The following CEP78 variants were observed in gnomAD, a reference collection of about 807,000 sequenced individuals.
CEP78 encodes the protein centrosomal protein 78.
CEP78 carries 76 observed loss-of-function variants against 81.2 expected under a neutral mutation model. That is an observed-to-expected ratio of 0.94 (90% CI 0.78 to 1.13). The LOEUF (loss-of-function observed/expected upper bound fraction) is 1.13. CEP78 is among the 50% of genes most tolerant of loss of function. The pLI is 0.00. For synonymous variants in CEP78, 293 were observed against 301.4 expected, an observed-to-expected ratio of 0.97 and a Z score of 0.29; for missense variants, 918 against 846.8, an observed-to-expected ratio of 1.08 and a Z score of -1.04.
chr9:78,265,807 G>T, intron 14 of CEP78, 52 bp from the exon 15 acceptor site: 1 of 934,858 alleles, frequency 1.1e-6, no homozygotes, highest in Non-Finnish European at 1.7e-6. Flanking sequence ...TTAGAGAAAT[G>T]ATTTTCAATT....
intron 16 of CEP78, among the ~76,000 whole-genome samples, chr9:78,269,744 G>A (rs568165392): frequency 6.6e-6 from 1 of 152,200 alleles, no homozygotes; most frequent in South Asian, 2.1e-4. Context: ...TGAAAACTAG[G>A]TATAGGACTA....
At chr9:78,248,983 G>A in intron 8 of CEP78, 110 bp downstream of exon 8, 1 of 495,370 alleles carries the variant, frequency 2.0e-6, no homozygotes, top group Non-Finnish European at 3.6e-6. Context: ...TTGACTCCGT[G>A]CATATTATGA....
At chr9:78,246,861 A>C in intron 6 of CEP78, 79 bp downstream of exon 6, 1 of 756,910 alleles carries the variant, frequency 1.3e-6, no homozygotes, top group Non-Finnish European at 2.1e-6. Flanking sequence ...AGTTTTGAAA[A>C]CTTAATGTGT....
intron 13 of CEP78, among the ~76,000 whole-genome samples, 184 bp downstream of exon 13, chr9:78,264,500 T>C (rs1827424185): frequency 6.6e-6 from 1 of 152,020 alleles, no homozygotes. Context: ...CCTGCCTTGG[T>C]TGAGGGCCCA....
intron 9 of CEP78, among the ~76,000 whole-genome samples, chr9:78,252,296 C>G (rs548138348): frequency 2.0e-4 from 30 of 152,248 alleles, no homozygotes; most frequent in Admixed American, 1.2e-3. Flanking sequence ...TCCAATTGTG[C>G]AGGTGAGAAA....
At position 78,262,782 on chromosome 9, in the gene CEP78, T is replaced by C; in HGVS notation, c.1381-125T>C. 3 of 531,566 alleles carry C rather than the reference T, an allele frequency of 5.6e-6. No homozygotes were observed. In the South Asian group the frequency reaches 8.5e-5, roughly 15 times the overall value. 32.9% of individuals were successfully genotyped at this position (531,566 alleles called of 1,614,324 possible). On this transcript the variant is annotated intron_variant, in intron 11 of 16. Coordinates refer to ENST00000643273, the MANE Select transcript of CEP78 (RefSeq NM_001330691.3). Reference sequence around the variant, plus strand: ...ATGATATTATACAAGCAGTAGGCTATAATCCTGATATCTGAGTTCACTTCT... The same window carrying C: ...ATGATATTATACAAGCAGTAGGCTACAATCCTGATATCTGAGTTCACTTCT...
intron 11 of CEP78, among the ~76,000 whole-genome samples, chr9:78,262,257 C>T (rs1827310726): frequency 6.6e-6 from 1 of 150,470 alleles, no homozygotes; most frequent in Admixed American, 6.6e-5. Flanking sequence ...TGTAAACAGT[C>T]CTGTGACATT....
In CEP78 at chr9:78,239,363, C is replaced by T. The variant is rs928390; in HGVS notation, c.254-660C>T. On this transcript the variant is annotated intron_variant, in intron 1 of 16. Coordinates refer to ENST00000643273, the MANE Select transcript of CEP78 (RefSeq NM_001330691.3). ...AAAGACATGCTTAAAGTGGCATGCC[C>T]ACGCAGGACCAGTGTGTATTGGTTG... Among the ~76,000 whole-genome samples the T allele has an allele frequency of 9.7e-3, 1,481 of 152,306 alleles. 20 individuals are homozygous for T. The highest frequency in any genetic ancestry group is 0.034 in the African/African-American group (1,414 of 41,556).
At chr9:78,254,732 A>C (rs1391715186) in intron 10 of CEP78, 104 bp from the exon 11 acceptor site, 1 of 841,160 alleles carries the variant, frequency 1.2e-6, no homozygotes, top group Non-Finnish European at 1.8e-6. Flanking sequence ...ATAGACATTT[A>C]TAGAGAATGA....
chr9:78,253,751 T>G (rs1826877097), intron 10 of CEP78: 1 of 153,588 alleles, frequency 6.5e-6, no homozygotes, highest in African/African-American at 2.4e-5. Context: ...TCCCTGTCAT[T>G]CTGCATCATG....
intron 16 of CEP78, among the ~76,000 whole-genome samples, chr9:78,267,962 A>G (rs1017586199): frequency 6.6e-6 from 1 of 152,160 alleles, no homozygotes; most frequent in Non-Finnish European, 1.5e-5. Context: ...TACTGAGTTC[A>G]TTAATCATGG....
chr9:78,253,597 A>G, intron 10 of CEP78: 1 of 238,688 alleles, frequency 4.2e-6, no homozygotes, highest in East Asian at 8.3e-5. Context: ...GAATGTCCTT[A>G]AGTTTAAAAG....
At chr9:78,245,290 G>C (rs1033945414) in intron 5 of CEP78, among the ~76,000 whole-genome samples, 1 of 152,090 alleles carries the variant, frequency 6.6e-6, no homozygotes, top group African/African-American at 2.4e-5. Flanking sequence ...TCTGGAGTCC[G>C]AGAAGCCCAA....
rs532956395 is a variant in CEP78 at position 78,263,281 on chromosome 9, C to T, written c.1458+297C>T. On this transcript the variant is annotated intron_variant, in intron 12 of 16. Transcript: ENST00000643273. Reference sequence around the variant, plus strand: ...TCAATTCAAGAATGCATTTATTAGGCTTATACTGTATATACAATTGCGTAA... The same window carrying T: ...TCAATTCAAGAATGCATTTATTAGGTTTATACTGTATATACAATTGCGTAA... 2.0e-5 allele frequency among the ~76,000 whole-genome samples: 3 copies of T among 152,056 alleles called. No individual in the cohort carries two copies. In the East Asian group the frequency reaches 5.8e-4, roughly 29 times the overall value.
In CEP78 at chr9:78,265,394, G is replaced by A. The variant is rs552686406; in HGVS notation, c.1648G>A (p.Ala550Thr). 8 of 1,605,256 alleles carry A rather than the reference G, an allele frequency of 5.0e-6. No individual in the cohort carries two copies. The African/African-American group carries it at 1.1e-4, about 22-fold the overall frequency. The change falls in exon 14 of 17, where the codon GCT becomes ACT. Residue 550 changes from alanine (A) to threonine (T), a missense_variant. Coordinates refer to ENST00000643273, the MANE Select transcript of CEP78 (RefSeq NM_001330691.3). Reference protein sequence around the residue: ...DAGLGQLATMAGIDQSDFQLL... With the variant: ...DAGLGQLATMTGIDQSDFQLL... ...CAGGCTTGGGCAGCTTGCCACAATGGCTGGGATAGATCAGTCAGATTTTCA... is the reference window on the plus strand; with the variant it reads ...CAGGCTTGGGCAGCTTGCCACAATGACTGGGATAGATCAGTCAGATTTTCA...
chr9:78,242,009 A>G (rs1826256160), intron 4 of CEP78, among the ~76,000 whole-genome samples: 1 of 152,248 alleles, frequency 6.6e-6, no homozygotes, highest in Non-Finnish European at 1.5e-5. Flanking sequence ...GACCTAAAAT[A>G]TAATAATTAG....
At chr9:78,267,092 A>G (rs1273262686) in intron 16 of CEP78, 1 of 1,058,230 alleles carries the variant, frequency 9.4e-7, no homozygotes, top group Admixed American at 2.4e-5. Context: ...GTCTTAAAAT[A>G]TAGGATTGGA....
chr9:78,254,863 G>A lies in CEP78; in HGVS notation c.1279G>A (p.Val427Ile), dbSNP rs914849158. 2 of 1,610,794 alleles carry A rather than the reference G, an allele frequency of 1.2e-6. No individual in the cohort carries two copies. The highest frequency in any genetic ancestry group is 2.7e-5 in the African/African-American group (2 of 74,802). The change falls in exon 11 of 17, where the codon GTA (valine) becomes ATA (isoleucine). Residue 427 changes from valine (V) to isoleucine (I), a missense_variant. Transcript: ENST00000643273. ...QQPGFPVTVT[V>I]ESPSSSEVEE... ...ACCAGGTTTTCCTGTGACTGTGACA[G>A]TAGAGAGTCCTTCATCCTCTGAAGT...
intron 5 of CEP78, among the ~76,000 whole-genome samples, chr9:78,245,851 G>C (rs1220568068): frequency 2.0e-5 from 3 of 152,038 alleles, no homozygotes; most frequent in Non-Finnish European, 2.9e-5. Context: ...TCTCCTTAGA[G>C]TTCTTTCTTT....
Sources: allele counts gnomAD v4.1 joint callset (sites outside exome capture counted in the v4.1 genomes callset), GRCh38; gene constraint gnomAD v4.1.1; transcripts MANE v1.5; gene names NCBI Gene and HGNC (gene_info 2026-07-23, HGNC 2026-07-21).